CLIP2: variants seen among roughly 807,000 people sequenced by gnomAD.
The protein encoded by CLIP2 is CAP-Gly domain containing linker protein 2, also known as CAP-Gly domain-containing linker protein 2.
Under a neutral mutation model 111.7 loss-of-function variants are expected in CLIP2, and 41 were observed. The observed-to-expected ratio is 0.37, with a 90% confidence interval of 0.29 to 0.48. The LOEUF (loss-of-function observed/expected upper bound fraction) is 0.48, where lower values mean the gene tolerates loss of function less well. Ranked by LOEUF, CLIP2 falls within the 20% of genes least tolerant of loss-of-function variation. The pLI is 0.99. For missense variants in CLIP2, 1,160 were observed against 1,422.1 expected, an observed-to-expected ratio of 0.82 and a Z score of 2.96; for synonymous variants, 660 against 644.2, an observed-to-expected ratio of 1.02 and a Z score of -0.37.
chr7:74,360,279 G>T lies in CLIP2; in HGVS notation c.1319+1G>T. Reference sequence around the variant, plus strand: ...CCAACCAGCTGGAGGAGGAGAGGAGGTACGTGCTGGCCCACCCTCGCCCTG... The same window carrying T: ...CCAACCAGCTGGAGGAGGAGAGGAGTTACGTGCTGGCCCACCCTCGCCCTG... On this transcript the variant is annotated splice_donor_variant, in intron 7 of 16. Transcript: ENST00000223398. LOFTEE classifies it high-confidence loss of function. The T allele has an allele frequency of 6.3e-7, 1 of 1,587,258 alleles. No homozygotes were observed. The highest frequency in any genetic ancestry group is 8.6e-7 in the Non-Finnish European group (1 of 1,165,116).
intron 8 of CLIP2, among the ~76,000 whole-genome samples, chr7:74,366,470 T>C (rs1178075403): frequency 6.6e-6 from 1 of 152,088 alleles, no homozygotes; most frequent in Non-Finnish European, 1.5e-5. Flanking sequence ...CTCCACCCAA[T>C]TGAGGAAGAA....
chr7:74,381,101 G>A (rs541217854), intron 11 of CLIP2: 48 of 354,408 alleles, frequency 1.4e-4, no homozygotes, highest in African/African-American at 7.1e-4. Flanking sequence ...CAGATTTAAC[G>A]GAATAGTAAA....
At chr7:74,379,706 C>T (rs1164633433) in intron 10 of CLIP2, among the ~76,000 whole-genome samples, 1 of 151,902 alleles carries the variant, frequency 6.6e-6, no homozygotes, top group Non-Finnish European at 1.5e-5. Flanking sequence ...GCAGAGGTTG[C>T]AGTGAGCCGA....
Position 74,338,281 on chromosome 7 carries a change from T to C in CLIP2, c.122-167T>C, listed in dbSNP as rs1271054211. 6.6e-6 allele frequency among the ~76,000 whole-genome samples: 1 copy of C among 151,896 alleles called. No individual in the cohort carries two copies. The highest frequency in any genetic ancestry group is 2.4e-5 in the African/African-American group (1 of 41,348). ...ATTTGGGAAGCCAAGGCGGGCGGAT[T>C]TCTTGAGGTCAGGAGTTCGAGACCA... On this transcript the variant is annotated intron_variant, in intron 2 of 16. Transcript: ENST00000223398. This position sits in a 1 kb window ranked among gnomAD's most constrained non-coding sequence, Gnocchi z 4.3.
intron 2 of CLIP2, among the ~76,000 whole-genome samples, chr7:74,332,006 G>A (rs1172134785): frequency 6.6e-6 from 1 of 152,028 alleles, no homozygotes; most frequent in Non-Finnish European, 1.5e-5. Context: ...GATTATTGTG[G>A]TGGGTGGGGG....
At position 74,359,614 on chromosome 7, in the gene CLIP2, C is replaced by G. The variant is rs1460092079; in HGVS notation, c.1216-561C>G. Reference sequence around the variant, plus strand: ...TTGTGATCCGCCCGCCTTGGCCTCCCAAAGTGCTGAGATTACAGGCAGGAG... The same window carrying G: ...TTGTGATCCGCCCGCCTTGGCCTCCGAAAGTGCTGAGATTACAGGCAGGAG... On this transcript the variant is annotated intron_variant, in intron 6 of 16. Transcript: ENST00000223398. Among the ~76,000 whole-genome samples, 4 of 152,248 alleles carry G rather than the reference C, an allele frequency of 2.6e-5. No homozygotes were observed. In the East Asian group the frequency reaches 7.7e-4, roughly 29 times the overall value.
At chr7:74,381,705 A>G (rs1457499402) in intron 11 of CLIP2, 30 of 447,238 alleles carry the variant, frequency 6.7e-5, no homozygotes, top group Admixed American at 6.3e-4. Context: ...CCATTTAACA[A>G]TGTATCTTGG....
Position 74,390,122 on chromosome 7 carries a change from A to AAG in CLIP2, c.2720+877_2720+878dup, listed in dbSNP as rs1166051106. Among the ~76,000 whole-genome samples, 396 of 128,014 alleles carry AAG rather than the reference A, an allele frequency of 3.1e-3. 8 individuals carry two copies. Among genetic ancestry groups the AAG allele is most frequent in the African/African-American group, 4.6e-3 (130 of 28,352 alleles). The allele number at this position is 128,014 out of a possible 152,430, so 84.0% of individuals were successfully genotyped here. ...AAAAAAGAAAGAAAGAAAGAAAGAAAAGAGAGAGAGAGAGAAAGAAAGAAA... is the reference window on the plus strand; with the variant it reads ...AAAAAAGAAAGAAAGAAAGAAAGAAAAGAGAGAGAGAGAGAGAAAGAAAGAAA... On this transcript the variant is annotated intron_variant, in intron 13 of 16. Coordinates refer to ENST00000223398, the MANE Select transcript of CLIP2 (RefSeq NM_003388.5).
At position 74,381,584 on chromosome 7, in the gene CLIP2, G is replaced by T. The variant is rs782307890; in HGVS notation, c.2479+721G>T. ...TCTCTATTCTTCCCTCCCTGAAGGC[G>T]CAGTGTTAGCTTCTTTATATCCCCT... On this transcript the variant is annotated intron_variant, in intron 11 of 16. Transcript: ENST00000223398. The T allele has an allele frequency of 2.2e-4, 101 of 455,608 alleles. 2 individuals are homozygous for T. The highest frequency in any genetic ancestry group is 1.6e-3 in the Middle Eastern group (5 of 3,074). The allele number at this position is 455,608 out of a possible 1,614,324, so 28.2% of individuals were successfully genotyped here. A position where few individuals can be genotyped will look rare whatever the true frequency, so the allele number is the denominator to read the frequency against.
At chr7:74,294,302 A>G (rs1374596829) in intron 1 of CLIP2, among the ~76,000 whole-genome samples, 2 of 152,234 alleles carry the variant, frequency 1.3e-5, no homozygotes, top group African/African-American at 4.8e-5. Context: ...CAGTAATACA[A>G]AACTCATGTT....
intron 3 of CLIP2, among the ~76,000 whole-genome samples, chr7:74,351,668 T>C (rs1372934383): frequency 2.0e-5 from 3 of 151,804 alleles, no homozygotes; most frequent in Non-Finnish European, 4.4e-5. Flanking sequence ...AAACCCCGTC[T>C]CTACTAAAAA....
chr7:74,361,775 T>G (rs1554309836), intron 7 of CLIP2, among the ~76,000 whole-genome samples: 1 of 152,134 alleles, frequency 6.6e-6, no homozygotes. Flanking sequence ...TGTGTCCAGG[T>G]GTCAGCCCTG....
Position 74,357,366 on chromosome 7 carries a change from T to A in CLIP2, c.1104T>A (p.Ile368=), listed in dbSNP as rs782525127. The A allele has an allele frequency of 6.2e-7, 1 of 1,614,026 alleles. No homozygotes were observed. The highest frequency in any genetic ancestry group is 8.5e-7 in the Non-Finnish European group (1 of 1,179,978). Residue 368 remains isoleucine, a synonymous_variant, in exon 6 of 17, where the codon ATT becomes ATA. Transcript: ENST00000223398. Reference sequence around the variant, plus strand: ...CACTGAAGGAGAAGCAGCAGCACATTGAGCAGCTGCTGGCTGAACGAGACC... The same window carrying A: ...CACTGAAGGAGAAGCAGCAGCACATAGAGCAGCTGCTGGCTGAACGAGACC... The part of the protein sequence containing the change: ...QEALKEKQQH[I]EQLLAERDLE...
intron 2 of CLIP2, among the ~76,000 whole-genome samples, chr7:74,320,909 A>G (rs1242841279): frequency 6.6e-6 from 1 of 151,964 alleles, no homozygotes; most frequent in African/African-American, 2.4e-5. Context: ...TGGCTAGAGA[A>G]GGGCACCCGC....
intron 2 of CLIP2, among the ~76,000 whole-genome samples, chr7:74,325,059 C>T (rs35197511): frequency 0.06 from 9,193 of 152,154 alleles, 367 homozygotes; most frequent in Non-Finnish European, 0.092. Flanking sequence ...GAGGGGAGCA[C>T]GCTGGAGTCT....
chr7:74,335,258 G>A (rs1232411953), intron 2 of CLIP2, among the ~76,000 whole-genome samples: 1 of 132,040 alleles, frequency 7.6e-6, no homozygotes, highest in Non-Finnish European at 1.6e-5. Context: ...GTAACAGAGC[G>A]AGACTCCATC....
rs2116721698 is a variant in CLIP2 at position 74,403,844 on chromosome 7, A to G, written c.3137A>G (p.His1046Arg). The change falls in exon 17 of 17, where the codon CAC (histidine) becomes CGC (arginine). Residue 1046 changes from histidine (H) to arginine (R), a missense_variant. By Grantham distance (29) the His-to-Arg change is conservative (BLOSUM62 0). This residue lies in a region of CLIP2 where 676 missense variants were observed against 777.8 expected (regional missense o/e 0.87). Transcript: ENST00000223398. ...GCCCTTTACTCTCTCTAGGACAAGC[A>G]CTGATCCTGAGGGGATACTGTGGAG... ...QDKAQKQEDKH is the reference protein window; with the variant it reads ...QDKAQKQEDKR 1 of 1,613,296 alleles carries G rather than the reference A, an allele frequency of 6.2e-7. No individual in the cohort carries two copies. The highest frequency in any genetic ancestry group is 1.3e-5 in the African/African-American group (1 of 75,028).
chr7:74,352,509 T>A (rs1002594399), intron 3 of CLIP2, among the ~76,000 whole-genome samples: 16 of 151,528 alleles, frequency 1.1e-4, no homozygotes, highest in Non-Finnish European at 4.4e-5. Flanking sequence ...GAAAAAAAAA[T>A]TTCTGGAAAG....
intron 1 of CLIP2, among the ~76,000 whole-genome samples, chr7:74,299,545 T>C (rs1788266886): frequency 6.6e-6 from 1 of 152,116 alleles, no homozygotes; most frequent in African/African-American, 2.4e-5. Flanking sequence ...GAGTGGACCC[T>C]GGTTTGCACC....
Sources: allele counts gnomAD v4.1 joint callset (sites outside exome capture counted in the v4.1 genomes callset), GRCh38; gene constraint gnomAD v4.1.1; regional missense constraint gnomAD v4.1.1; non-coding constraint Gnocchi (gnomAD v3.1); transcripts MANE v1.5; gene names NCBI Gene and HGNC (gene_info 2026-07-23, HGNC 2026-07-21).